ZEB2: variants seen among roughly 807,000 people sequenced by gnomAD.
ZEB2 encodes the protein zinc finger E-box-binding homeobox 2.
ZEB2 carries 6 observed loss-of-function variants against 99.9 expected under a neutral mutation model. The ratio of observed to expected loss-of-function variants is 0.06; its 90% CI spans 0.03 to 0.12. The LOEUF (loss-of-function observed/expected upper bound fraction) is 0.12, where lower values mean the gene tolerates loss of function less well. Ranked by LOEUF, ZEB2 falls within the 10% of genes least tolerant of loss-of-function variation. The pLI is 1.00. For missense variants in ZEB2, 969 were observed against 1,502.8 expected (o/e 0.64, Z 5.87); for synonymous variants, 517 against 542.5 (o/e 0.95, Z 0.65).
intron 2 of ZEB2, chr2:144,512,549 C>T (rs1399046590): frequency 7.8e-7 from 1 of 1,287,210 alleles, no homozygotes. Context: ...GAACTTTAAT[C>T]TTGGTTTTAC....
At chr2:144,411,957 G>A (rs1338823665) in intron 4 of ZEB2, among the ~76,000 whole-genome samples, 1 of 152,194 alleles carries the variant, frequency 6.6e-6, no homozygotes, top group Non-Finnish European at 1.5e-5. Flanking sequence ...GAATGATAGA[G>A]TCCATTACTT....
chr2:144,507,285 G>C (rs532589344), intron 2 of ZEB2: 1 of 152,240 alleles, frequency 6.6e-6, no homozygotes, highest in Admixed American at 6.5e-5. Flanking sequence ...AGATACAATA[G>C]AGTATGACAT....
intron 2 of ZEB2, among the ~76,000 whole-genome samples, chr2:144,515,199 C>G (rs1361783033): frequency 6.9e-6 from 1 of 144,954 alleles, no homozygotes; most frequent in Non-Finnish European, 1.5e-5. Context: ...CTCTTTTTCT[C>G]TCAAAAAAAA....
At chr2:144,506,939 T>G (rs1704958910) in intron 2 of ZEB2, among the ~76,000 whole-genome samples, 1 of 152,118 alleles carries the variant, frequency 6.6e-6, no homozygotes, top group Non-Finnish European at 1.5e-5. Flanking sequence ...TAGAATACAT[T>G]TTAGGAAATC....
chr2:144,438,250 T>C (rs138179631), intron 2 of ZEB2, among the ~76,000 whole-genome samples: 1 of 152,330 alleles, frequency 6.6e-6, no homozygotes, highest in East Asian at 1.9e-4. Flanking sequence ...CTGAAGTCAA[T>C]AATAATTCTT....
At chr2:144,471,981 AAAT>A (rs1345942155) in intron 2 of ZEB2, among the ~76,000 whole-genome samples, 7 of 152,146 alleles carry the variant, frequency 4.6e-5, no homozygotes, top group Non-Finnish European at 8.8e-5. Flanking sequence ...TGTGAGATCT[AAAT>A]AAGTATGTAG....
chr2:144,488,444 C>A (rs928443757), intron 2 of ZEB2, among the ~76,000 whole-genome samples: 1 of 152,060 alleles, frequency 6.6e-6, no homozygotes, highest in Non-Finnish European at 1.5e-5. Context: ...CTCAAGGGGA[C>A]CTTTAAATGA....
intron 3 of ZEB2, chr2:144,426,453 T>G (rs1298897261): frequency 1.3e-5 from 2 of 152,072 alleles, no homozygotes; most frequent in Non-Finnish European, 2.9e-5. Context: ...GAATCATAAG[T>G]TTTCCATCTG....
At chr2:144,394,556 A>G (rs1295934561) in intron 9 of ZEB2, 3 of 152,234 alleles carry the variant, frequency 2.0e-5, no homozygotes, top group African/African-American at 7.2e-5. Flanking sequence ...GTATGAAAAT[A>G]TCTTTACTTT....
intron 2 of ZEB2, among the ~76,000 whole-genome samples, chr2:144,439,366 A>G (rs1041330631): frequency 1.3e-5 from 2 of 152,222 alleles, no homozygotes; most frequent in African/African-American, 4.8e-5. Flanking sequence ...TCTTTTGCTC[A>G]TTGCCCAGGT....
chr2:144,386,356 A>C lies in ZEB2; in HGVS notation c.*3095T>G, dbSNP rs540049446. The stretch of plus-strand genomic sequence containing the variant: ...TAGAGTTAGAGGATTATGCAGCCCT[A>C]ATGTGCAATCGTGTCCAGCGGATAA... On this transcript the variant is annotated 3_prime_UTR_variant, in exon 10 of 10. Transcript: ENST00000627532. The C allele has an allele frequency of 1.5e-4, 23 of 152,250 alleles. No homozygotes were observed. Among genetic ancestry groups the C allele is most frequent in the Non-Finnish European group, 2.6e-4 (18 of 68,008 alleles). 9.4% of individuals were successfully genotyped at this position (152,250 alleles called of 1,614,324 possible).
chr2:144,511,238 T>C (rs750745126), intron 2 of ZEB2: 29 of 293,708 alleles, frequency 9.9e-5, no homozygotes, highest in Non-Finnish European at 1.5e-4. Flanking sequence ...TCATGTGGGC[T>C]ACATATATGC....
chr2:144,477,361 G>A (rs1432949155), intron 2 of ZEB2, among the ~76,000 whole-genome samples: 3 of 152,218 alleles, frequency 2.0e-5, no homozygotes. Context: ...AGCAAGTTTA[G>A]TCTACTTGAG....
chr2:144,420,957 G>A (rs1004033901), intron 4 of ZEB2, among the ~76,000 whole-genome samples: 3 of 152,144 alleles, frequency 2.0e-5, no homozygotes, highest in Non-Finnish European at 1.5e-5. Context: ...TTTGGACATT[G>A]AGGAAACTGT....
At chr2:144,393,015 C>G (rs1381820458) in intron 9 of ZEB2, among the ~76,000 whole-genome samples, 1 of 152,098 alleles carries the variant, frequency 6.6e-6, no homozygotes, top group Non-Finnish European at 1.5e-5. Context: ...TATTACTTTT[C>G]TAAATAAGGT....
At chr2:144,512,403 T>G (rs1705055936) in intron 2 of ZEB2, 1 of 1,287,110 alleles carries the variant, frequency 7.8e-7, no homozygotes, top group African/African-American at 1.5e-5. Flanking sequence ...TTTCCTACCT[T>G]CAGGGTAGAC....
chr2:144,480,247 G>C (rs531264882), intron 2 of ZEB2, among the ~76,000 whole-genome samples: 134 of 152,136 alleles, frequency 8.8e-4, no homozygotes, highest in African/African-American at 3.2e-3. Flanking sequence ...TGGTTCCATA[G>C]CCCCATCACC....
intron 2 of ZEB2, among the ~76,000 whole-genome samples, chr2:144,499,231 A>G (rs905592413): frequency 2.0e-5 from 3 of 152,202 alleles, no homozygotes; most frequent in Admixed American, 1.3e-4. Context: ...ATCAAGCCAG[A>G]TACTCAAACC....
intron 9 of ZEB2, among the ~76,000 whole-genome samples, chr2:144,395,886 G>A (rs192033033): frequency 2.4e-4 from 37 of 151,982 alleles, no homozygotes; most frequent in African/African-American, 8.4e-4. Flanking sequence ...GTTTCAAGTA[G>A]CTCATCTGAT....
Sources: allele counts gnomAD v4.1 joint callset (sites outside exome capture counted in the v4.1 genomes callset), GRCh38; gene constraint gnomAD v4.1.1; transcripts MANE v1.5; gene names NCBI Gene and HGNC (gene_info 2026-07-23, HGNC 2026-07-21).